Variants in SESN3 observed in about 807,000 individuals in gnomAD.
The protein encoded by SESN3 is sestrin-3.
SESN3 carries 21 observed loss-of-function variants against 55.3 expected under a neutral mutation model. The ratio of observed to expected loss-of-function variants is 0.38; its 90% CI spans 0.27 to 0.55. SESN3 has a LOEUF of 0.55. Among genes scored for constraint, SESN3 ranks in the 20% least tolerant of loss-of-function variants. The pLI is 0.76. For missense variants in SESN3, 408 were observed against 604.3 expected (o/e 0.68, Z 3.41); for synonymous variants, 181 against 203.1 (o/e 0.89, Z 0.93).
chr11:95,203,949 A>T (rs575967273), intron 1 of SESN3: 1 of 153,154 alleles, frequency 6.5e-6, no homozygotes, highest in East Asian at 1.9e-4. Context: ...GCTTCTAAGA[A>T]GCAGATCAAA....
Position 95,178,844 on chromosome 11 carries a change from A to C in SESN3, c.938-16T>G. On this transcript the variant is annotated splice_polypyrimidine_tract_variant and intron_variant, in intron 6 of 9. Coordinates refer to ENST00000536441, the MANE Select transcript of SESN3 (RefSeq NM_144665.4). ...TCCTCAAAATCTAAGGACAATAATG[A>C]ACAATCTAGTGTTAAGGATACTGTA... is the stretch of plus-strand genomic sequence containing the variant. 7.1e-7 allele frequency: 1 copy of C among 1,403,476 alleles called. No homozygotes were observed. The highest frequency in any genetic ancestry group is 1.0e-6 in the Non-Finnish European group (1 of 988,752). 86.9% of individuals were successfully genotyped at this position (1,403,476 alleles called of 1,614,324 possible). A position where few individuals can be genotyped will look rare whatever the true frequency, so the allele number is the denominator to read the frequency against.
rs140211765 is a variant in SESN3, at chr11:95,178,007, T to C, written c.1057-98A>G. 909 of 838,054 alleles carry C rather than the reference T, an allele frequency of 1.1e-3. 7 individuals carry two copies. The African/African-American group carries it at 0.014, about 13-fold the overall frequency. The allele number at this position is 838,054 out of a possible 1,614,324, so 51.9% of individuals were successfully genotyped here. ...CTAATGAAGCAAGTAAGCGAGGCTA[T>C]TTCTAATTTAGCTCTAGGTTTTCAG... On this transcript the variant is annotated intron_variant, in intron 7 of 9. Transcript: ENST00000536441.
intron 6 of SESN3, 54 bp downstream of exon 6, chr11:95,184,366 T>C: frequency 6.9e-7 from 1 of 1,444,468 alleles, no homozygotes. Context: ...ACACTGAAGT[T>C]GCCCTGTCAG....
Position 95,230,424 on chromosome 11 carries a change from A to C in SESN3, c.78+359T>G. The C allele has an allele frequency of 9.1e-6, 2 of 219,658 alleles. No individual in the cohort carries two copies. Among genetic ancestry groups the C allele is most frequent in the Non-Finnish European group, 9.1e-6 (1 of 110,100 alleles). 13.6% of individuals were successfully genotyped at this position (219,658 alleles called of 1,614,324 possible). A position where few individuals can be genotyped will look rare whatever the true frequency, so the allele number is the denominator to read the frequency against. On this transcript the variant is annotated intron_variant, in intron 1 of 9. Coordinates refer to ENST00000536441, the MANE Select transcript of SESN3 (RefSeq NM_144665.4). This position sits in a 1 kb window ranked among gnomAD's most constrained non-coding sequence, Gnocchi z 4.6. Reference sequence around the variant, plus strand: ...TTCACACCGACCTCCATCAACAGCTAAACTGCACAGGGAGGAGGATCGAAC... The same window carrying C: ...TTCACACCGACCTCCATCAACAGCTCAACTGCACAGGGAGGAGGATCGAAC...
chr11:95,205,164 C>T (rs1860525714), intron 1 of SESN3, among the ~76,000 whole-genome samples: 1 of 152,146 alleles, frequency 6.6e-6, no homozygotes, highest in Non-Finnish European at 1.5e-5. Context: ...CTATGTTGTT[C>T]TACATGATTC....
At chr11:95,191,696 T>C (rs1860272348) in intron 2 of SESN3, 95 bp from the exon 3 acceptor site, 3 of 836,610 alleles carry the variant, frequency 3.6e-6, no homozygotes, top group Non-Finnish European at 3.8e-6. Context: ...AAATGAATAT[T>C]CATTTGATAT....
rs575196384 is a variant in SESN3, at chr11:95,194,138, A to AT, written c.79-617dup. Among the ~76,000 whole-genome samples, 16 of 151,442 alleles carry AT rather than the reference A, an allele frequency of 1.1e-4. No homozygotes were observed. In the South Asian group the frequency reaches 1.9e-3, roughly 18 times the overall value. The stretch of plus-strand genomic sequence containing the variant: ...TTGCCAATGGTATGTCTGAATGCTG[A>AT]TTTTTTTTTAAGTTTTTAAAAATTT... On this transcript the variant is annotated intron_variant, in intron 1 of 9. Coordinates refer to ENST00000536441, the MANE Select transcript of SESN3 (RefSeq NM_144665.4).
chr11:95,224,275 C>T (rs1860910542), intron 1 of SESN3, among the ~76,000 whole-genome samples: 1 of 152,160 alleles, frequency 6.6e-6, no homozygotes, highest in Non-Finnish European at 1.5e-5. Context: ...ATGACCTCAA[C>T]AGTTTATATC....
At chr11:95,232,057 C>A (rs1001784564), upstream of SESN3, 7 of 152,260 alleles carry the variant, frequency 4.6e-5, no homozygotes, top group Admixed American at 3.9e-4. Context: ...AAAAGACCTT[C>A]CTGAGGCAGC....
rs749172097 is a variant in SESN3, at chr11:95,207,399, CCTT to C, written c.79-13880_79-13878del. Among the ~76,000 whole-genome samples, 34 of 151,384 alleles carry C rather than the reference CCTT, an allele frequency of 2.2e-4. 1 individual carries two copies. The highest frequency in any genetic ancestry group is 5.9e-4 in the Admixed American group (9 of 15,148). ...AGGTACTAAAACCTGAGTTATTTTC[CCTT>C]CTTAGCACTGAAAGGATCAGAGCTT... On this transcript the variant is annotated intron_variant, in intron 1 of 9. Coordinates refer to ENST00000536441, the MANE Select transcript of SESN3 (RefSeq NM_144665.4).
At position 95,194,394 on chromosome 11, in the gene SESN3, T is replaced by C. The variant is rs191640856; in HGVS notation, c.79-872A>G. Among the ~76,000 whole-genome samples, 217 of 152,162 alleles carry C rather than the reference T, an allele frequency of 1.4e-3. 1 individual carries two copies. Among genetic ancestry groups the C allele is most frequent in the African/African-American group, 4.6e-3 (193 of 41,516 alleles). Reference sequence around the variant, plus strand: ...CATTAGGAACCAGTTACAAAACAAATTGGTGAAAGTAGGCAGTCAGGCATT... The same window carrying C: ...CATTAGGAACCAGTTACAAAACAAACTGGTGAAAGTAGGCAGTCAGGCATT... On this transcript the variant is annotated intron_variant, in intron 1 of 9. Transcript: ENST00000536441.
intron 1 of SESN3, among the ~76,000 whole-genome samples, chr11:95,214,613 T>TTA (rs61619892): frequency 0.049 from 7,432 of 151,376 alleles, 305 homozygotes; most frequent in East Asian, 0.21. Flanking sequence ...CATCCATAAT[T>TTA]TATATATATA....
At chr11:95,180,190 T>C (rs1250309303) in intron 6 of SESN3, among the ~76,000 whole-genome samples, 1 of 152,144 alleles carries the variant, frequency 6.6e-6, no homozygotes, top group African/African-American at 2.4e-5. Context: ...TCATAAATAA[T>C]AAATAGTAGA....
chr11:95,182,717 G>C (rs1247648130), intron 6 of SESN3, among the ~76,000 whole-genome samples: 1 of 152,130 alleles, frequency 6.6e-6, no homozygotes, highest in Admixed American at 6.5e-5. Context: ...ATTTCTTAAG[G>C]TTAGCAAGAT....
rs563322416 is a variant in SESN3, at chr11:95,167,475, C to CCCCATATATATAT, written c.*5779_*5780insATATATATATGGG. On this transcript the variant is annotated 3_prime_UTR_variant, in exon 10 of 10. Coordinates refer to ENST00000536441, the MANE Select transcript of SESN3 (RefSeq NM_144665.4). ...TCAGATATTCATTCTGTTTCCCCCC[C>CCCCATATATATAT]ATATATATAATTTTTCATTCTGTAC... The CCCCATATATATAT allele has an allele frequency of 3.3e-5, 5 of 150,816 alleles. No homozygotes were observed. The highest frequency in any genetic ancestry group is 9.9e-5 in the African/African-American group (4 of 40,216). 9.3% of individuals were successfully genotyped at this position (150,816 alleles called of 1,614,324 possible). A position where few individuals can be genotyped will look rare whatever the true frequency, so the allele number is the denominator to read the frequency against.
At chr11:95,183,478 T>C (rs1565464282) in intron 6 of SESN3, among the ~76,000 whole-genome samples, 1 of 152,032 alleles carries the variant, frequency 6.6e-6, no homozygotes, top group Non-Finnish European at 1.5e-5. Flanking sequence ...ATTTATGAGA[T>C]TGATGAGTTT....
Position 95,194,473 on chromosome 11 carries a change from C to T in SESN3, c.79-951G>A, listed in dbSNP as rs146239704. ...GATACTGTGATAGACTTTGAGGATA[C>T]AGGGTGAGGAAAACAGATATGCTCT... On this transcript the variant is annotated intron_variant, in intron 1 of 9. Transcript: ENST00000536441. Among the ~76,000 whole-genome samples the T allele has an allele frequency of 6.1e-4, 93 of 152,190 alleles. 1 individual carries two copies. The East Asian group carries it at 0.016, about 27-fold the overall frequency.
chr11:95,197,115 TAATA>T (rs1248232290), intron 1 of SESN3, among the ~76,000 whole-genome samples: 6 of 152,300 alleles, frequency 3.9e-5, no homozygotes, highest in African/African-American at 1.2e-4. Context: ...TTTCTTGTGG[TAATA>T]AATAAATAAC....
intron 1 of SESN3, among the ~76,000 whole-genome samples, chr11:95,216,567 A>G (rs1219435524): frequency 1.3e-5 from 2 of 152,198 alleles, no homozygotes; most frequent in African/African-American, 4.8e-5. Context: ...TAAAAATCCA[A>G]TTGTTTCTAT....
Sources: gnomAD v4.1 joint callset for allele counts (sites outside exome capture counted in the v4.1 genomes callset) on GRCh38, gnomAD v4.1.1 for gene constraint, Gnocchi (gnomAD v3.1) non-coding constraint, MANE v1.5 for transcripts, NCBI Gene and HGNC (gene_info 2026-07-23, HGNC 2026-07-21) for gene names.